The following ANKRD11 variants were observed in gnomAD, a reference collection of about 807,000 sequenced individuals.
The protein encoded by ANKRD11 is ankyrin repeat domain-containing protein 11.
In ANKRD11, 17 loss-of-function variants were observed where a neutral mutation model predicts 195.7. The ratio of observed to expected loss-of-function variants is 0.09; its 90% CI spans 0.06 to 0.13. The LOEUF is 0.13. Among genes scored for constraint, ANKRD11 ranks in the 10% least tolerant of loss-of-function variants. The probability of loss-of-function intolerance (pLI) is 1.00; values close to 1 mark genes in which losing one functional copy is unlikely to be tolerated. For synonymous variants in ANKRD11, 1,953 were observed against 1,528.1 expected (o/e 1.28, Z -6.49); for missense variants, 3,735 against 3,566.1 (o/e 1.05, Z -1.21).
chr16:89,467,764 A>G (rs1285957933), intron 1 of ANKRD11, among the ~76,000 whole-genome samples: 1 of 152,168 alleles, frequency 6.6e-6, no homozygotes, highest in Non-Finnish European at 1.5e-5. Context: ...TTTAAAAATC[A>G]GATAAGACGA....
At chr16:89,407,108 C>T (rs991945668) in intron 2 of ANKRD11, among the ~76,000 whole-genome samples, 2 of 151,890 alleles carry the variant, frequency 1.3e-5, no homozygotes, top group African/African-American at 4.8e-5. Context: ...AGCCCAGGTA[C>T]TCGGGAGGCG....
At chr16:89,457,190 A>G (rs1597467421) in intron 1 of ANKRD11, among the ~76,000 whole-genome samples, 1 of 149,544 alleles carries the variant, frequency 6.7e-6, no homozygotes, top group African/African-American at 2.5e-5. Flanking sequence ...CGATCTCCTG[A>G]CCTCGTGATC....
intron 1 of ANKRD11, among the ~76,000 whole-genome samples, chr16:89,427,356 T>A (rs777394245): frequency 2.6e-5 from 4 of 152,198 alleles, no homozygotes; most frequent in Non-Finnish European, 5.9e-5. Flanking sequence ...ACCTGATGAT[T>A]CAGTGCAGTA....
rs765315608 is a variant in ANKRD11, at chr16:89,284,227, C to T, written c.2315G>A (p.Arg772Gln). Reference protein sequence around the residue: ...KEERKKKSKDRPSKLEKKNDL... With the variant: ...KEERKKKSKDQPSKLEKKNDL... ...ATTCTTCTTCTCTAATTTTGAGGGC[C>T]GGTCTTTTGATTTCTTCTTTCTCTC... Residue 772 changes from arginine to glutamine, a missense_variant, in exon 9 of 13, where the codon CGG (arginine) becomes CAG (glutamine). Coordinates refer to ENST00000301030, the MANE Select transcript of ANKRD11 (RefSeq NM_013275.6). The T allele has an allele frequency of 8.1e-6, 13 of 1,612,674 alleles. No individual in the cohort carries two copies. The highest frequency in any genetic ancestry group is 5.5e-5 in the South Asian group (5 of 90,490).
At position 89,417,879 on chromosome 16, in the gene ANKRD11, G is replaced by C. The variant is rs139706998; in HGVS notation, c.-60+405C>G. On this transcript the variant is annotated intron_variant, in intron 2 of 12. Transcript: ENST00000301030. Reference sequence around the variant, plus strand: ...TCCTAACGAGCAGAACAGCTCCCAGGATACAGAATCCTCACGCAAACTGTT... The same window carrying C: ...TCCTAACGAGCAGAACAGCTCCCAGCATACAGAATCCTCACGCAAACTGTT... 3.5e-3 allele frequency among the ~76,000 whole-genome samples: 527 copies of C among 152,260 alleles called. 4 individuals are homozygous for C. The highest frequency in any genetic ancestry group is 0.012 in the African/African-American group (506 of 41,526).
intron 1 of ANKRD11, among the ~76,000 whole-genome samples, chr16:89,478,098 C>T (rs956496580): frequency 2.0e-5 from 3 of 152,042 alleles, no homozygotes; most frequent in African/African-American, 4.8e-5. Flanking sequence ...ATGAGAGGAG[C>T]GCTTAATAAA....
chr16:89,469,191 G>A (rs1006243499), intron 1 of ANKRD11, among the ~76,000 whole-genome samples: 1 of 151,616 alleles, frequency 6.6e-6, no homozygotes, highest in East Asian at 1.9e-4. Context: ...AAAAAAAAAA[G>A]AGGAAAAAAA....
At position 89,281,435 on chromosome 16, in the gene ANKRD11, C is replaced by G. The variant is rs767704252; in HGVS notation, c.5107G>C (p.Val1703Leu). 3.1e-6 allele frequency: 5 copies of G among 1,612,870 alleles called. No homozygotes were observed. The African/African-American group carries it at 6.7e-5, about 22-fold the overall frequency. ...GATAGCACCGACGTAGGGGTGGGCA[C>G]GCCAGTGGGCCGGCTCTGGTCAGGC... is the stretch of plus-strand genomic sequence containing the variant. The part of the protein sequence containing the change: ...PRPDQSRPTG[V>L]PTPTSVLSCP... The change falls in exon 9 of 13, where the codon GTG becomes CTG. Residue 1703 changes from valine to leucine, a missense_variant. Coordinates refer to ENST00000301030, the MANE Select transcript of ANKRD11 (RefSeq NM_013275.6). This position sits in a 1 kb window ranked among gnomAD's most constrained non-coding sequence, Gnocchi z 5.5.
rs868167776 is a variant in ANKRD11 at position 89,330,674 on chromosome 16, G to A, written c.-59-13596C>T. On this transcript the variant is annotated intron_variant, in intron 2 of 12. Transcript: ENST00000301030. ...ACAGTGACTGGGGGGGGGGGGGGGGGGCGGGGGCGGAGGAAGCTGCAGCAT... is the reference window on the plus strand; with the variant it reads ...ACAGTGACTGGGGGGGGGGGGGGGGAGCGGGGGCGGAGGAAGCTGCAGCAT... Among the ~76,000 whole-genome samples the A allele has an allele frequency of 2.0e-3, 62 of 30,370 alleles. 2 individuals are homozygous for A. Among genetic ancestry groups the A allele is most frequent in the Middle Eastern group, 0.012 (1 of 82 alleles). 19.9% of individuals were successfully genotyped at this position (30,370 alleles called of 152,430 possible).
rs2043697277 is a variant in ANKRD11, at chr16:89,444,606, A to G, written c.-144-26238T>C. The stretch of plus-strand genomic sequence containing the variant: ...CTTCTCCAAAAGCAAGGAAAAGAAA[A>G]GCTATCATGAGCCCCTTCAGGGTCT... On this transcript the variant is annotated intron_variant, in intron 1 of 12. Transcript: ENST00000301030. Among the ~76,000 whole-genome samples the G allele has an allele frequency of 2.0e-5, 3 of 152,122 alleles. No individual in the cohort carries two copies. In the South Asian group the frequency reaches 6.2e-4, roughly 31 times the overall value.
chr16:89,428,248 G>A (rs568040959), intron 1 of ANKRD11, among the ~76,000 whole-genome samples: 3 of 149,062 alleles, frequency 2.0e-5, no homozygotes, highest in Non-Finnish European at 3.0e-5. Context: ...TTCTTTGGCC[G>A]GGCACGGTGG....
intron 2 of ANKRD11, among the ~76,000 whole-genome samples, chr16:89,408,444 C>T (rs1033027215): frequency 3.3e-5 from 5 of 152,244 alleles, no homozygotes; most frequent in African/African-American, 1.2e-4. Flanking sequence ...CCGTTAGAAA[C>T]GGCCTCACCC....
chr16:89,291,442 G>A lies in ANKRD11; in HGVS notation c.227-259C>T, dbSNP rs1041377465. Among the ~76,000 whole-genome samples, 3 of 151,992 alleles carry A rather than the reference G, an allele frequency of 2.0e-5. No homozygotes were observed. Among genetic ancestry groups the A allele is most frequent in the Admixed American group, 1.3e-4 (2 of 15,244 alleles). On this transcript the variant is annotated intron_variant, in intron 4 of 12. Coordinates refer to ENST00000301030, the MANE Select transcript of ANKRD11 (RefSeq NM_013275.6). This position sits in a 1 kb window ranked among gnomAD's most constrained non-coding sequence, Gnocchi z 5.3. Reference sequence around the variant, plus strand: ...AGTCTGCTAAGCCTGGGCCTCCACCGAGCATCCACTCACTCCAGGCACCTC... The same window carrying A: ...AGTCTGCTAAGCCTGGGCCTCCACCAAGCATCCACTCACTCCAGGCACCTC...
intron 1 of ANKRD11, among the ~76,000 whole-genome samples, chr16:89,425,169 C>A (rs2042667734): frequency 6.6e-6 from 1 of 151,992 alleles, no homozygotes; most frequent in Non-Finnish European, 1.5e-5. Flanking sequence ...TTTATCCTCA[C>A]AATAATCCCA....
intron 2 of ANKRD11, chr16:89,320,268 C>G (rs145972279): frequency 6.6e-6 from 1 of 152,278 alleles, no homozygotes; most frequent in Non-Finnish European, 1.5e-5. Flanking sequence ...GGCACCGGGT[C>G]TCACTCCCGG....
intron 3 of ANKRD11, 55 bp downstream of exon 3, chr16:89,316,878 C>A (rs1012936744): frequency 1.9e-6 from 3 of 1,587,064 alleles, no homozygotes; most frequent in East Asian, 4.6e-5. Context: ...CCCATTCCCA[C>A]CTCATCCCCA....
At chr16:89,381,049 G>A (rs554325625) in intron 2 of ANKRD11, among the ~76,000 whole-genome samples, 4 of 152,308 alleles carry the variant, frequency 2.6e-5, no homozygotes, top group South Asian at 2.1e-4. Context: ...GCGGCTGGGC[G>A]AGGTGGCTCA....
At chr16:89,358,196 C>T (rs1433566138) in intron 2 of ANKRD11, among the ~76,000 whole-genome samples, 1 of 152,236 alleles carries the variant, frequency 6.6e-6, no homozygotes, top group Non-Finnish European at 1.5e-5. Context: ...CGGGCAGACA[C>T]AGGCCACAGC....
In ANKRD11 at chr16:89,281,246, C is replaced by T. The variant is rs751326964; in HGVS notation, c.5296G>A (p.Val1766Met). The change falls in exon 9 of 13, where the codon GTG (valine) becomes ATG (methionine). Residue 1766 changes from valine to methionine, a missense_variant. By Grantham distance (21) the Val-to-Met change is conservative (BLOSUM62 1). Transcript: ENST00000301030. The surrounding 1 kb of genome is among the most constrained non-coding windows in gnomAD (Gnocchi z 5.5). ...TTTTCCGAAAGCCCACTTGAAGCCACGGAGAACCTGTCGAAAAAGGAGGGG... is the reference window on the plus strand; with the variant it reads ...TTTTCCGAAAGCCCACTTGAAGCCATGGAGAACCTGTCGAAAAAGGAGGGG... ...CSPSFFDRFS[V>M]ASSGLSENAS... 8.7e-6 allele frequency: 14 copies of T among 1,614,166 alleles called. No homozygotes were observed. The South Asian group carries it at 1.1e-4, about 13-fold the overall frequency.
Sources: allele counts gnomAD v4.1 joint callset (sites outside exome capture counted in the v4.1 genomes callset), GRCh38; gene constraint gnomAD v4.1.1; non-coding constraint Gnocchi (gnomAD v3.1); transcripts MANE v1.5; gene names NCBI Gene and HGNC (gene_info 2026-07-23, HGNC 2026-07-21).